Variants in PAK4 observed in about 807,000 individuals in gnomAD.
PAK4 encodes p21 (RAC1) activated kinase 4.
Under a neutral mutation model 53.5 loss-of-function variants are expected in PAK4, and 49 were observed. That is an observed-to-expected ratio of 0.92 (90% CI 0.73 to 1.16). The LOEUF (loss-of-function observed/expected upper bound fraction) is 1.16. PAK4 is among the 50% of genes most tolerant of loss of function. The pLI is 0.00. For synonymous variants in PAK4, 376 were observed against 375.6 expected, an observed-to-expected ratio of 1.00 and a Z score of -0.01; for missense variants, 824 against 850.7, an observed-to-expected ratio of 0.97 and a Z score of 0.39.
chr19:39,169,433 G>T (rs2074434010), intron 1 of PAK4, 99 bp from the exon 3 acceptor site: 7 of 855,808 alleles, frequency 8.2e-6, no homozygotes, highest in Non-Finnish European at 1.3e-5. Flanking sequence ...GCCTCCTGTT[G>T]GTCCCGGTGT....
In PAK4 at chr19:39,161,874, C is replaced by T. The variant is rs1015680010; in HGVS notation, c.-22-7658C>T. 2.0e-5 allele frequency among the ~76,000 whole-genome samples: 3 copies of T among 152,130 alleles called. No homozygotes were observed. The highest frequency in any genetic ancestry group is 4.4e-5 in the Non-Finnish European group (3 of 68,030). Reference sequence around the variant, plus strand: ...GCCCTTCCTCCAGAGCCCTACATGGCTCCCTCTCCCCTCCTCACGCAGGTC... The same window carrying T: ...GCCCTTCCTCCAGAGCCCTACATGGTTCCCTCTCCCCTCCTCACGCAGGTC... On this transcript the variant is annotated intron_variant, in intron 1 of 8. Transcript: ENST00000358301. The surrounding 1 kb of genome is among the most constrained non-coding windows in gnomAD (Gnocchi z 4.5).
At chr19:39,135,494 C>T (rs1001551794) in intron 1 of PAK4, among the ~76,000 whole-genome samples, 2 of 151,838 alleles carry the variant, frequency 1.3e-5, no homozygotes, top group African/African-American at 4.9e-5. Flanking sequence ...TGCCACCACG[C>T]ACGGCTAATT....
chr19:39,149,131 A>G (rs1470863453), intron 1 of PAK4, among the ~76,000 whole-genome samples: 2 of 152,310 alleles, frequency 1.3e-5, no homozygotes, highest in South Asian at 2.1e-4. Context: ...TGACCCAGCA[A>G]TTCCGCTCCC....
Position 39,176,724 on chromosome 19 carries a change from C to T in PAK4, c.1485+9C>T, listed in dbSNP as rs376458832. 60 of 1,606,850 alleles carry T rather than the reference C, an allele frequency of 3.7e-5. No individual in the cohort carries two copies. In the African/African-American group the frequency reaches 4.4e-4, roughly 12 times the overall value. ...TTCCCTACGGGCCAGAGGTGAGCCC[C>T]GGGGTGGCTTGGTTGTCCCGCCGTG... On this transcript the variant is annotated intron_variant, in intron 7 of 8. Transcript: ENST00000358301.
At position 39,140,883 on chromosome 19, in the gene PAK4, A is replaced by G. The variant is rs536607441; in HGVS notation, c.-23+14964A>G. ...GCCTCCCAGGGTTGCTGGGAGGATGAAGTGAGTCTGCTGTGTGATGCTCAG... is the reference window on the plus strand; with the variant it reads ...GCCTCCCAGGGTTGCTGGGAGGATGGAGTGAGTCTGCTGTGTGATGCTCAG... On this transcript the variant is annotated intron_variant, in intron 1 of 8. Transcript: ENST00000358301. Among the ~76,000 whole-genome samples the G allele has an allele frequency of 6.6e-5, 10 of 152,274 alleles. No homozygotes were observed. The South Asian group carries it at 2.1e-3, about 32-fold the overall frequency.
downstream of PAK4, chr19:39,181,776 ACT>A (rs1362753038): frequency 1.3e-5 from 2 of 152,146 alleles, no homozygotes; most frequent in Non-Finnish European, 2.9e-5. Flanking sequence ...GGAATGAATG[ACT>A]CTCGACAGGT....
intron 1 of PAK4, among the ~76,000 whole-genome samples, chr19:39,155,789 C>T (rs973215622): frequency 6.6e-5 from 10 of 152,148 alleles, no homozygotes; most frequent in African/African-American, 7.2e-5. Context: ...CAAGTCACTC[C>T]GCCTCTCCGC....
chr19:39,172,360 C>T (rs2074498212), intron 2 of PAK4, among the ~76,000 whole-genome samples: 2 of 152,184 alleles, frequency 1.3e-5, no homozygotes, highest in Admixed American at 6.5e-5. Context: ...TGGTCCCCAT[C>T]TGCATTTGCA....
At chr19:39,170,608 C>A (rs562507508) in intron 2 of PAK4, among the ~76,000 whole-genome samples, 1 of 152,320 alleles carries the variant, frequency 6.6e-6, no homozygotes, top group African/African-American at 2.4e-5. Flanking sequence ...GGGCCGCAGG[C>A]CAAGGGGAAC....
At chr19:39,136,018 C>T (rs1219903907) in intron 1 of PAK4, among the ~76,000 whole-genome samples, 2 of 75,976 alleles carry the variant, frequency 2.6e-5, no homozygotes, top group African/African-American at 4.4e-5. Flanking sequence ...TTCTTCGTCA[C>T]CCCCCTTCCT....
chr19:39,161,306 G>A lies in PAK4; in HGVS notation c.-22-8226G>A, dbSNP rs562577634. ...AAACAACTGTAATGTGTGAGGCAAC[G>A]CTGAGGGCCCTGGAGGGAACGGACC... On this transcript the variant is annotated intron_variant, in intron 1 of 8. Coordinates refer to ENST00000358301, the Ensembl canonical transcript of PAK4. The surrounding 1 kb of genome is among the most constrained non-coding windows in gnomAD (Gnocchi z 4.5). 5.3e-5 allele frequency among the ~76,000 whole-genome samples: 8 copies of A among 152,346 alleles called. No individual in the cohort carries two copies. The South Asian group carries it at 8.3e-4, about 16-fold the overall frequency.
Position 39,175,507 on chromosome 19 carries a change from A to G in PAK4, c.1359+69A>G, listed in dbSNP as rs2074587077. 1 of 1,487,076 alleles carries G rather than the reference A, an allele frequency of 6.7e-7. No individual in the cohort carries two copies. Among genetic ancestry groups the G allele is most frequent in the Non-Finnish European group, 9.1e-7 (1 of 1,093,482 alleles). The allele number at this position is 1,487,076 out of a possible 1,614,324, so 92.1% of individuals were successfully genotyped here. A position where few individuals can be genotyped will look rare whatever the true frequency, so the allele number is the denominator to read the frequency against. On this transcript the variant is annotated intron_variant, in intron 6 of 8. Transcript: ENST00000358301. This position sits in a 1 kb window ranked among gnomAD's most constrained non-coding sequence, Gnocchi z 4.7. ...CTGCGGGGCTTCCCTGCCTCTTCCC[A>G]TCCCCTGTGAGGGTAGGTGAGCTCT...
intron 1 of PAK4, among the ~76,000 whole-genome samples, chr19:39,128,965 G>T (rs1048589928): frequency 6.6e-6 from 1 of 152,256 alleles, no homozygotes; most frequent in Non-Finnish European, 1.5e-5. Context: ...GCTTTTGGAA[G>T]CTCCCTGGGC....
At chr19:39,167,934 A>G (rs1480553105) in intron 1 of PAK4, 1 of 152,302 alleles carries the variant, frequency 6.6e-6, no homozygotes, top group Non-Finnish European at 1.5e-5. Context: ...ACAGAACAGA[A>G]ACTCCACCTG....
intron 8 of PAK4, 33 bp downstream of exon 9, chr19:39,177,842 C>T (rs1429324152): frequency 6.3e-7 from 1 of 1,585,802 alleles, no homozygotes; most frequent in East Asian, 2.3e-5. Context: ...AACTGTGCGC[C>T]AGCTGGCGGG....
chr19:39,133,498 A>G (rs1394549095), intron 1 of PAK4, among the ~76,000 whole-genome samples: 4 of 152,066 alleles, frequency 2.6e-5, no homozygotes, highest in Non-Finnish European at 5.9e-5. Flanking sequence ...GTCACAGAGC[A>G]AGAGGAACTG....
chr19:39,176,658 C>T (rs201757969), exon 7 of PAK4: 42 of 1,613,436 alleles, frequency 2.6e-5, no homozygotes, highest in Non-Finnish European at 2.0e-5. Flanking sequence ...AGTCGCTGGT[C>T]GGCACGCCCT....
chr19:39,162,605 T>C (rs1305390107), intron 1 of PAK4, among the ~76,000 whole-genome samples: 1 of 152,094 alleles, frequency 6.6e-6, no homozygotes, highest in Non-Finnish European at 1.5e-5. Context: ...TCCCCTCCCC[T>C]CAGCTCCTTT....
intron 1 of PAK4, among the ~76,000 whole-genome samples, chr19:39,128,434 G>C (rs544451707): frequency 1.3e-5 from 2 of 152,282 alleles, no homozygotes; most frequent in African/African-American, 4.8e-5. Flanking sequence ...TCTGAGGCTG[G>C]CCCAGCCTCC....
Sources: gnomAD v4.1 joint callset for allele counts (sites outside exome capture counted in the v4.1 genomes callset) on GRCh38, gnomAD v4.1.1 for gene constraint, Gnocchi (gnomAD v3.1) non-coding constraint, MANE v1.5 for transcripts, NCBI Gene and HGNC (gene_info 2026-07-23, HGNC 2026-07-21) for gene names.